Variants in NPR1 observed in about 807,000 individuals in gnomAD.
NPR1 encodes natriuretic peptide receptor 1.
In NPR1, 57 loss-of-function variants were observed where a neutral mutation model predicts 116.9. That is an observed-to-expected ratio of 0.49 (90% confidence interval 0.39 to 0.61). The LOEUF (loss-of-function observed/expected upper bound fraction) is 0.61, where lower values mean the gene tolerates loss of function less well. NPR1 is among the 20% of genes least tolerant of loss of function. NPR1 has a pLI of 0.00. For synonymous variants in NPR1, 555 were observed against 601.6 expected, an observed-to-expected ratio of 0.92 and a Z score of 1.13; for missense variants, 1,096 against 1,409.8, an observed-to-expected ratio of 0.78 and a Z score of 3.56.
rs28730728 is a variant in NPR1 at position 153,682,932 on chromosome 1, A to G, written c.1263+343A>G. ...GCTCTGCAAGCGAGCAGGGACAGGAAGGCGCTGAGGCCAATGGCCACAAGG... is the reference window on the plus strand; with the variant it reads ...GCTCTGCAAGCGAGCAGGGACAGGAGGGCGCTGAGGCCAATGGCCACAAGG... On this transcript the variant is annotated intron_variant, in intron 5 of 21. Transcript: ENST00000368680. Among the ~76,000 whole-genome samples, 537 of 152,348 alleles carry G rather than the reference A, an allele frequency of 3.5e-3. 1 individual carries two copies. Among genetic ancestry groups the G allele is most frequent in the African/African-American group, 0.012 (496 of 41,582 alleles).
chr1:153,690,846 GGCAGAAGAATT>G (rs1670087700), intron 20 of NPR1, among the ~76,000 whole-genome samples: 1 of 150,438 alleles, frequency 6.6e-6, no homozygotes, highest in Non-Finnish European at 1.5e-5. Flanking sequence ...GGGAGGCTGA[GGCAGAAGAATT>G]GCTTGAACCC....
rs1415847343 is a variant in NPR1, at chr1:153,679,941, C to A, written c.721+112C>A. The A allele has an allele frequency of 7.2e-7, 1 of 1,387,186 alleles. No homozygotes were observed. Among genetic ancestry groups the A allele is most frequent in the Non-Finnish European group, 9.6e-7 (1 of 1,041,086 alleles). The allele number at this position is 1,387,186 out of a possible 1,614,324, so 85.9% of individuals were successfully genotyped here. A position where few individuals can be genotyped will look rare whatever the true frequency, so the allele number is the denominator to read the frequency against. On this transcript the variant is annotated intron_variant, in intron 1 of 21. Coordinates refer to ENST00000368680, the MANE Select transcript of NPR1 (RefSeq NM_000906.4). The surrounding 1 kb of genome is among the most constrained non-coding windows in gnomAD (Gnocchi z 4.2). ...CTGGGGGCACTCTTCTTTCTCCTCG[C>A]CGTTCTTCATTCTACTTTCAGCTCC...
At chr1:153,686,807 ACTG>A in intron 11 of NPR1, 57 bp downstream of exon 11, 1 of 1,506,562 alleles carries the variant, frequency 6.6e-7, no homozygotes, top group East Asian at 2.3e-5. Flanking sequence ...TCTGCCCCTG[ACTG>A]GCCATAAGAC....
chr1:153,687,277 C>A lies in NPR1; in HGVS notation c.2013C>A (p.Arg671=). ...LKSSNCVVDG[R]FVLKITDYGL... ...CATCCAACTGCGTGGTAGATGGGCG[C>A]TTTGTGCTCAAGATCACCGACTATG... The change falls in exon 13 of 22, where the codon CGC becomes CGA. Residue 671 remains arginine (R), a synonymous_variant. Coordinates refer to ENST00000368680, the MANE Select transcript of NPR1 (RefSeq NM_000906.4). The A allele has an allele frequency of 6.2e-7, 1 of 1,614,122 alleles. No homozygotes were observed. Among genetic ancestry groups the A allele is most frequent in the South Asian group, 1.1e-5 (1 of 91,082 alleles).
chr1:153,686,118 C>T lies in NPR1; in HGVS notation c.1681-5C>T, dbSNP rs764007233. On this transcript the variant is annotated splice_polypyrimidine_tract_variant and splice_region_variant and intron_variant, in intron 9 of 21. Coordinates refer to ENST00000368680, the MANE Select transcript of NPR1 (RefSeq NM_000906.4). Reference sequence around the variant, plus strand: ...TCACAGTGACAGTCTCCATTCCATGCCCAGGGCAACCTCGTGGCTGTGAAA... The same window carrying T: ...TCACAGTGACAGTCTCCATTCCATGTCCAGGGCAACCTCGTGGCTGTGAAA... The T allele has an allele frequency of 6.2e-7, 1 of 1,613,718 alleles. No homozygotes were observed. Among genetic ancestry groups the T allele is most frequent in the East Asian group, 2.2e-5 (1 of 44,884 alleles).
intron 4 of NPR1, 144 bp downstream of exon 4, chr1:153,681,983 C>A: frequency 2.2e-6 from 2 of 905,456 alleles, no homozygotes; most frequent in Non-Finnish European, 3.3e-6. Context: ...CAGGCCCATC[C>A]CTCAGAAGTC....
chr1:153,688,448 C>G (rs1301231138), intron 15 of NPR1, among the ~76,000 whole-genome samples: 2 of 152,134 alleles, frequency 1.3e-5, no homozygotes, highest in Admixed American at 6.5e-5. Flanking sequence ...CCTCCACCAT[C>G]GACACCCCAC....
At chr1:153,682,864 G>A (rs1268452905) in intron 5 of NPR1, among the ~76,000 whole-genome samples, 9 of 152,198 alleles carry the variant, frequency 5.9e-5, no homozygotes, top group Non-Finnish European at 1.0e-4. Flanking sequence ...AGGCAGGACC[G>A]CCTCCCAGCA....
rs1471618410 is a variant in NPR1, at chr1:153,683,820, T to C, written c.1480T>C (p.Tyr494His). Residue 494 changes from tyrosine (Y) to histidine (H), a missense_variant, in exon 7 of 22, where the codon TAC becomes CAC. Physicochemically the swap from Tyr to His is moderately conservative, Grantham distance 83. Coordinates refer to ENST00000368680, the MANE Select transcript of NPR1 (RefSeq NM_000906.4). ...CATTCTGATTGTCTCCTTCTTCATA[T>C]ACAGGTGAGCTGTGATGTGGGGGGT... Reference protein sequence around the residue: ...LGILIVSFFIYRKMQLEKELA... With the variant: ...LGILIVSFFIHRKMQLEKELA... The C allele has an allele frequency of 6.2e-7, 1 of 1,613,378 alleles. No individual in the cohort carries two copies. The highest frequency in any genetic ancestry group is 1.7e-5 in the Admixed American group (1 of 59,990).
At chr1:153,690,941 T>C (rs1223502247) in intron 20 of NPR1, among the ~76,000 whole-genome samples, 3 of 52,108 alleles carry the variant, frequency 5.8e-5, no homozygotes, top group South Asian at 7.4e-4. Context: ...AAACTCTGTC[T>C]CAAAAAAAAA....
At chr1:153,683,216 T>C (rs532212548) in intron 5 of NPR1, among the ~76,000 whole-genome samples, 160 bp from the exon 6 acceptor site, 1 of 152,272 alleles carries the variant, frequency 6.6e-6, no homozygotes, top group African/African-American at 2.4e-5. Flanking sequence ...TATGAGGTCC[T>C]GTGTCCAGTT....
In NPR1 at chr1:153,687,793, A is replaced by T; in HGVS notation, c.2248+4A>T. 1 of 1,576,214 alleles carries T rather than the reference A, an allele frequency of 6.3e-7. No individual in the cohort carries two copies. The highest frequency in any genetic ancestry group is 1.1e-5 in the South Asian group (1 of 87,372). On this transcript the variant is annotated splice_donor_region_variant and intron_variant, in intron 14 of 21. Coordinates refer to ENST00000368680, the MANE Select transcript of NPR1 (RefSeq NM_000906.4). Reference sequence around the variant, plus strand: ...GGTTTGGACCTGAGCCCCAAAGGTGAGAGGAGCACACCTTCCTTAAACCCA... The same window carrying T: ...GGTTTGGACCTGAGCCCCAAAGGTGTGAGGAGCACACCTTCCTTAAACCCA...
rs1488683509 is a variant in NPR1, at chr1:153,687,749, T to C, written c.2208T>C (p.Ser736=). The C allele has an allele frequency of 8.7e-6, 14 of 1,600,350 alleles. No individual in the cohort carries two copies. The highest frequency in any genetic ancestry group is 1.1e-5 in the Non-Finnish European group (13 of 1,169,394). Residue 736 remains serine (S), a synonymous_variant, in exon 14 of 22, where the codon AGT becomes AGC. Coordinates refer to ENST00000368680, the MANE Select transcript of NPR1 (RefSeq NM_000906.4). ...GIILQEIALR[S]GVFHVEGLDL... ...TCCTTCAGGAGATTGCCCTGAGGAGTGGGGTCTTCCACGTGGAAGGTTTGG... is the reference window on the plus strand; with the variant it reads ...TCCTTCAGGAGATTGCCCTGAGGAGCGGGGTCTTCCACGTGGAAGGTTTGG...
intron 14 of NPR1, 98 bp from the exon 15 acceptor site, chr1:153,687,955 G>T: frequency 9.1e-7 from 1 of 1,103,080 alleles, no homozygotes; most frequent in Non-Finnish European, 1.3e-6. Context: ...CCCATGCCTT[G>T]GTCTTGGACT....
chr1:153,680,412 A>G, intron 1 of NPR1, 89 bp from the exon 2 acceptor site: 1 of 1,250,302 alleles, frequency 8.0e-7, no homozygotes, highest in Non-Finnish European at 1.2e-6. Flanking sequence ...CCTATCTCTA[A>G]ACTTCCTCCC....
Position 153,686,861 on chromosome 1 carries a change from A to G in NPR1, c.1863+111A>G, listed in dbSNP as rs567300073. The stretch of plus-strand genomic sequence containing the variant: ...CCCTCTTTCTGACCTTTCTGGCCCC[A>G]TCTGTAAAAATGGGAGTTGGGGAAG... On this transcript the variant is annotated intron_variant, in intron 11 of 21. Coordinates refer to ENST00000368680, the MANE Select transcript of NPR1 (RefSeq NM_000906.4). The G allele has an allele frequency of 6.3e-6, 8 of 1,269,614 alleles. No homozygotes were observed. In the East Asian group the frequency reaches 1.4e-4, roughly 23 times the overall value. The allele number at this position is 1,269,614 out of a possible 1,614,324, so 78.6% of individuals were successfully genotyped here. A position where few individuals can be genotyped will look rare whatever the true frequency, so the allele number is the denominator to read the frequency against.
intron 5 of NPR1, 127 bp downstream of exon 5, chr1:153,682,716 A>G: frequency 1.4e-6 from 1 of 722,016 alleles, no homozygotes; most frequent in Non-Finnish European, 2.4e-6. Flanking sequence ...GACACTTACA[A>G]GAGCCCTGGA....
At position 153,679,213 on chromosome 1, in the gene NPR1, G is replaced by T. The variant is rs1165917118; in HGVS notation, c.105G>T (p.Leu35=). ...TCCGGGGCAGCCACGCGGGCAACCT[G>T]ACGGTAGCCGTGGTACTGCCGCTGG... ...LLLRGSHAGN[L]TVAVVLPLAN... Residue 35 remains leucine, a synonymous_variant, in exon 1 of 22, where the codon CTG becomes CTT. Coordinates refer to ENST00000368680, the MANE Select transcript of NPR1 (RefSeq NM_000906.4). This position sits in a 1 kb window ranked among gnomAD's most constrained non-coding sequence, Gnocchi z 4.2. 1 of 1,521,548 alleles carries T rather than the reference G, an allele frequency of 6.6e-7. No individual in the cohort carries two copies. Among genetic ancestry groups the T allele is most frequent in the Non-Finnish European group, 8.8e-7 (1 of 1,139,240 alleles). The allele number at this position is 1,521,548 out of a possible 1,614,324, so 94.3% of individuals were successfully genotyped here.
intron 13 of NPR1, 58 bp from the exon 14 acceptor site, chr1:153,687,576 C>T: frequency 2.0e-6 from 3 of 1,532,350 alleles, no homozygotes; most frequent in Non-Finnish European, 2.6e-6. Flanking sequence ...CCTTGTTTCC[C>T]CCTCACCCCT....
Sources: gnomAD v4.1 joint callset for allele counts (sites outside exome capture counted in the v4.1 genomes callset) on GRCh38, gnomAD v4.1.1 for gene constraint, Gnocchi (gnomAD v3.1) non-coding constraint, MANE v1.5 for transcripts, NCBI Gene and HGNC (gene_info 2026-07-23, HGNC 2026-07-21) for gene names.